The following AGBL1 variants were observed in gnomAD, a reference collection of about 807,000 sequenced individuals.
The protein encoded by AGBL1 is cytosolic carboxypeptidase 4.
Under a neutral mutation model 118.9 loss-of-function variants are expected in AGBL1, and 130 were observed. The observed-to-expected ratio is 1.09, with a 90% CI of 0.95 to 1.26. The LOEUF is 1.26. AGBL1 is among the 50% of genes most tolerant of loss of function. The pLI, the probability that AGBL1 is intolerant of heterozygous loss-of-function variation, is 0.00. For missense variants in AGBL1, 1,584 were observed against 1,298.1 expected (o/e 1.22, Z -3.38); for synonymous variants, 555 against 478.9 (o/e 1.16, Z -2.08).
At chr15:86,942,772 T>C (rs2080769666) in intron 23 of AGBL1, among the ~76,000 whole-genome samples, 1 of 152,252 alleles carries the variant, frequency 6.6e-6, no homozygotes, top group Non-Finnish European at 1.5e-5. Context: ...CCCAATTTTC[T>C]GGATTCTATT....
At chr15:86,810,000 T>TA (rs1340991602) in intron 22 of AGBL1, among the ~76,000 whole-genome samples, 1 of 152,102 alleles carries the variant, frequency 6.6e-6, no homozygotes, top group Non-Finnish European at 1.5e-5. Flanking sequence ...TCCAGATTTT[T>TA]AAAAAAATCT....
chr15:86,753,931 C>A (rs1200071628), intron 22 of AGBL1, among the ~76,000 whole-genome samples: 3 of 152,054 alleles, frequency 2.0e-5, no homozygotes, highest in African/African-American at 7.2e-5. Context: ...GAGAGTAGGG[C>A]CACTGTACTT....
chr15:86,131,813 G>A (rs984433635), intron 1 of AGBL1, among the ~76,000 whole-genome samples: 4 of 151,992 alleles, frequency 2.6e-5, no homozygotes, highest in Admixed American at 2.6e-4. Context: ...AGCAAGGTGT[G>A]GTGGTGCACT....
rs140767562 is a variant in AGBL1, at chr15:86,732,263, A to T, written c.3158+57827A>T. ...TTTATTCAAATGATAGTGCATGTGT[A>T]TGCATGTATATTTGTTTATGTGATG... is the stretch of plus-strand genomic sequence containing the variant. On this transcript the variant is annotated intron_variant, in intron 22 of 22. Transcript: ENST00000614907. 2.9e-3 allele frequency among the ~76,000 whole-genome samples: 437 copies of T among 152,320 alleles called. 4 individuals carry two copies. The highest frequency in any genetic ancestry group is 9.2e-3 in the African/African-American group (381 of 41,570).
chr15:86,491,940 T>G (rs1262235718), intron 18 of AGBL1, among the ~76,000 whole-genome samples: 1 of 152,044 alleles, frequency 6.6e-6, no homozygotes, highest in Non-Finnish European at 1.5e-5. Flanking sequence ...AAAAATGTTA[T>G]TCCAGACACT....
chr15:86,177,069 A>T (rs181960448), intron 5 of AGBL1, among the ~76,000 whole-genome samples: 2 of 152,318 alleles, frequency 1.3e-5, no homozygotes, highest in Non-Finnish European at 2.9e-5. Context: ...CATTTTAAAT[A>T]TAAAGACTTG....
chr15:86,809,775 A>G (rs1417603303), intron 22 of AGBL1, among the ~76,000 whole-genome samples: 1 of 152,172 alleles, frequency 6.6e-6, no homozygotes, highest in Non-Finnish European at 1.5e-5. Flanking sequence ...TTATTTTGGT[A>G]GATCACACGT....
intron 5 of AGBL1, among the ~76,000 whole-genome samples, chr15:86,213,073 A>T (rs909438828): frequency 2.0e-5 from 3 of 152,202 alleles, no homozygotes; most frequent in African/African-American, 7.2e-5. Flanking sequence ...AAATCATTGC[A>T]AGGCTTTGTG....
intron 22 of AGBL1, among the ~76,000 whole-genome samples, chr15:86,906,018 G>A (rs1360559043): frequency 1.3e-5 from 2 of 152,204 alleles, no homozygotes; most frequent in East Asian, 3.9e-4. Context: ...ACATCAGTCA[G>A]CAGACAATTA....
At chr15:86,832,952 G>A (rs1051155404) in intron 22 of AGBL1, among the ~76,000 whole-genome samples, 2 of 152,196 alleles carry the variant, frequency 1.3e-5, no homozygotes, top group East Asian at 3.9e-4. Context: ...TTTCCACATG[G>A]TTGGGGAGTC....
intron 17 of AGBL1, among the ~76,000 whole-genome samples, chr15:86,300,271 A>G (rs182716344): frequency 1.3e-4 from 20 of 152,226 alleles, no homozygotes; most frequent in Non-Finnish European, 2.9e-5. Context: ...ATTCTAAATG[A>G]CCATTTTAGC....
At chr15:86,646,646 C>CT (rs956596500) in intron 21 of AGBL1, among the ~76,000 whole-genome samples, 3 of 152,006 alleles carry the variant, frequency 2.0e-5, no homozygotes, top group African/African-American at 4.8e-5. Context: ...CTATAAATAA[C>CT]TTTTTTCCCA....
intron 21 of AGBL1, among the ~76,000 whole-genome samples, chr15:86,599,498 A>G (rs1272624937): frequency 6.6e-6 from 1 of 152,068 alleles, no homozygotes; most frequent in Non-Finnish European, 1.5e-5. Context: ...AAATTTACTT[A>G]TGTTATGCAT....
intron 21 of AGBL1, among the ~76,000 whole-genome samples, chr15:86,573,444 C>T (rs960727355): frequency 1.3e-5 from 2 of 152,144 alleles, no homozygotes; most frequent in African/African-American, 4.8e-5. Flanking sequence ...ATGATTTAGG[C>T]TTCCGGAAAT....
intron 18 of AGBL1, among the ~76,000 whole-genome samples, chr15:86,512,248 A>G (rs767805936): frequency 6.6e-6 from 1 of 151,882 alleles, no homozygotes; most frequent in Non-Finnish European, 1.5e-5. Context: ...GAAAATGTCC[A>G]TATCTTTCTG....
intron 7 of AGBL1, among the ~76,000 whole-genome samples, chr15:86,256,219 C>A (rs1366386896): frequency 6.6e-6 from 1 of 152,162 alleles, no homozygotes; most frequent in African/African-American, 2.4e-5. Context: ...TTGTCATGTT[C>A]CATCAGTATC....
At chr15:86,996,708 A>G (rs2081383644) in intron 24 of AGBL1, among the ~76,000 whole-genome samples, 2 of 152,218 alleles carry the variant, frequency 1.3e-5, no homozygotes, top group Non-Finnish European at 2.9e-5. Flanking sequence ...ACAAAATATA[A>G]ACACATTAGA....
chr15:87,005,123 T>A (rs999765152), intron 24 of AGBL1, among the ~76,000 whole-genome samples: 1 of 152,182 alleles, frequency 6.6e-6, no homozygotes, highest in Admixed American at 6.5e-5. Context: ...GCCCTTAACA[T>A]TTTTTCCTTC....
chr15:86,201,481 A>C (rs371624980), intron 5 of AGBL1, among the ~76,000 whole-genome samples: 1 of 152,350 alleles, frequency 6.6e-6, no homozygotes, highest in East Asian at 1.9e-4. Context: ...TCTTGAATAG[A>C]AAATGCCTTT....
Sources: gnomAD v4.1 joint callset for allele counts (sites outside exome capture counted in the v4.1 genomes callset) on GRCh38, gnomAD v4.1.1 for gene constraint, MANE v1.5 for transcripts, NCBI Gene and HGNC (gene_info 2026-07-23, HGNC 2026-07-21) for gene names.